SLC30A8: variants seen among roughly 807,000 people sequenced by gnomAD.
SLC30A8 encodes proton-coupled zinc antiporter SLC30A8.
SLC30A8 carries 27 observed loss-of-function variants against 36.9 expected under a neutral mutation model. The observed-to-expected ratio is 0.73, with a 90% confidence interval of 0.54 to 1.01. The LOEUF is 1.01. SLC30A8 is among the 50% of genes least tolerant of loss of function. SLC30A8 has a pLI of 0.00. For synonymous variants in SLC30A8, 164 were observed against 172.4 expected (o/e 0.95, Z 0.38); for missense variants, 439 against 452.0 (o/e 0.97, Z 0.26).
chr8:117,136,203 G>A (rs572435303), intron 1 of SLC30A8, among the ~76,000 whole-genome samples: 1 of 152,102 alleles, frequency 6.6e-6, no homozygotes, highest in African/African-American at 2.4e-5. Flanking sequence ...AGGAATTAAA[G>A]TAGGGTTAGG....
rs114095982 is a variant in SLC30A8, at chr8:117,042,470, A to T, written c.-226+3212A>T. Among the ~76,000 whole-genome samples, 1,368 of 152,258 alleles carry T rather than the reference A, an allele frequency of 9.0e-3. 13 individuals are homozygous for T. Among genetic ancestry groups the T allele is most frequent in the African/African-American group, 0.031 (1,286 of 41,526 alleles). The stretch of plus-strand genomic sequence containing the variant: ...GCCTAAATCAGACTGGATTTTGCAG[A>T]CTTTCATGTATCTGTGTATGTGAGG... On this transcript the variant is annotated intron_variant, in intron 2 of 10. Coordinates refer to the SLC30A8 transcript ENST00000427715.
intron 2 of SLC30A8, among the ~76,000 whole-genome samples, chr8:117,104,914 G>C (rs1340466121): frequency 6.6e-6 from 1 of 152,146 alleles, no homozygotes; most frequent in African/African-American, 2.4e-5. Context: ...GTAACTTCCT[G>C]ATGTTGTCAT....
At chr8:117,024,692 C>T (rs1367476673) in intron 1 of SLC30A8, among the ~76,000 whole-genome samples, 1 of 152,194 alleles carries the variant, frequency 6.6e-6, no homozygotes, top group Non-Finnish European at 1.5e-5. Flanking sequence ...CTCCTTTTGT[C>T]TGTAATGGTT....
chr8:117,138,100 CGTGTAAA>C (rs1293151024), intron 1 of SLC30A8, among the ~76,000 whole-genome samples: 2 of 142,952 alleles, frequency 1.4e-5, no homozygotes, highest in Non-Finnish European at 3.0e-5. Flanking sequence ...AAAAAAAAGT[CGTGTAAA>C]GTTGAACTAC....
chr8:117,092,121 T>C (rs1045147239), intron 2 of SLC30A8, among the ~76,000 whole-genome samples: 6 of 152,212 alleles, frequency 3.9e-5, no homozygotes, highest in Non-Finnish European at 8.8e-5. Context: ...TTGGTAGAAC[T>C]GTAACAAGGA....
intron 1 of SLC30A8, among the ~76,000 whole-genome samples, chr8:116,992,830 A>G (rs2047528812): frequency 1.3e-5 from 2 of 152,200 alleles, no homozygotes; most frequent in Non-Finnish European, 2.9e-5. Context: ...ATGGGGTAGC[A>G]ATGAAAAAGC....
chr8:116,958,841 A>ATTTTTTTTTTTTT lies in SLC30A8; in HGVS notation c.-266+7738_-266+7750dup, dbSNP rs758505118. On this transcript the variant is annotated intron_variant, in intron 1 of 10. Transcript: ENST00000427715. Reference sequence around the variant, plus strand: ...CCTATAGCCCACTGATGCTCTTTTCATTTTTTTTTTTTTTTTTTTTTTTTT... The same window carrying ATTTTTTTTTTTTT: ...CCTATAGCCCACTGATGCTCTTTTCATTTTTTTTTTTTTTTTTTTTTTTTTTTTTTTTTTTTTT... 6.7e-5 allele frequency among the ~76,000 whole-genome samples: 4 copies of ATTTTTTTTTTTTT among 60,010 alleles called. 1 individual carries two copies. The highest frequency in any genetic ancestry group is 2.1e-4 in the African/African-American group (3 of 14,396). The allele number at this position is 60,010 out of a possible 152,430, so 39.4% of individuals were successfully genotyped here.
intron 1 of SLC30A8, among the ~76,000 whole-genome samples, chr8:117,017,551 C>T (rs998044121): frequency 3.3e-5 from 5 of 152,164 alleles, no homozygotes; most frequent in Non-Finnish European, 5.9e-5. Flanking sequence ...GTCAAATTGA[C>T]GTGGAGCCAC....
intron 1 of SLC30A8, among the ~76,000 whole-genome samples, chr8:117,138,087 G>GAA (rs374937926): frequency 7.9e-6 from 1 of 126,194 alleles, no homozygotes. Flanking sequence ...AAAAGAAAAA[G>GAA]AAAAAAAAAA....
At chr8:117,151,303 T>C (rs1317842649) in intron 2 of SLC30A8, among the ~76,000 whole-genome samples, 1 of 152,180 alleles carries the variant, frequency 6.6e-6, no homozygotes, top group Non-Finnish European at 1.5e-5. Flanking sequence ...AGAGAGGCTG[T>C]TATTTGTTTA....
chr8:116,956,468 T>TG (rs1277885460), intron 1 of SLC30A8, among the ~76,000 whole-genome samples: 2 of 152,212 alleles, frequency 1.3e-5, no homozygotes, highest in African/African-American at 2.4e-5. Context: ...GAAATTTAGA[T>TG]GGGTCGTCTA....
intron 1 of SLC30A8, among the ~76,000 whole-genome samples, chr8:116,961,367 T>G (rs768753990): frequency 6.6e-6 from 1 of 152,068 alleles, no homozygotes; most frequent in African/African-American, 2.4e-5. Context: ...AGGCAGAGCT[T>G]GCAGTGAGCC....
At chr8:117,106,849 T>G (rs1344478218) in intron 2 of SLC30A8, among the ~76,000 whole-genome samples, 6 of 152,338 alleles carry the variant, frequency 3.9e-5, no homozygotes, top group African/African-American at 1.4e-4. Context: ...AGTTGGCTTA[T>G]GACACACCTA....
intron 1 of SLC30A8, among the ~76,000 whole-genome samples, chr8:116,975,509 G>A (rs1339499493): frequency 6.6e-6 from 1 of 152,148 alleles, no homozygotes; most frequent in Non-Finnish European, 1.5e-5. Context: ...CTAGAAGGCT[G>A]GAAGGGTCAT....
At position 117,173,874 on chromosome 8, in the gene SLC30A8, T is replaced by G. The variant is rs939610004; in HGVS notation, c.*1193T>G. On this transcript the variant is annotated 3_prime_UTR_variant, in exon 8 of 8. Transcript: ENST00000456015. ...TGAATTGCAATGATGTAGTGGGGTATAAAAGGAAAGCGATGGATATTGCCG... is the reference window on the plus strand; with the variant it reads ...TGAATTGCAATGATGTAGTGGGGTAGAAAAGGAAAGCGATGGATATTGCCG... The G allele has an allele frequency of 1.1e-4, 16 of 152,218 alleles. No individual in the cohort carries two copies. Among genetic ancestry groups the G allele is most frequent in the African/African-American group, 3.4e-4 (14 of 41,566 alleles). The allele number at this position is 152,218 out of a possible 1,614,324, so 9.4% of individuals were successfully genotyped here.
chr8:117,155,053 G>C (rs1229437393), intron 3 of SLC30A8, among the ~76,000 whole-genome samples: 1 of 152,116 alleles, frequency 6.6e-6, no homozygotes, highest in African/African-American at 2.4e-5. Flanking sequence ...TAGATACAGA[G>C]GTGAGTCCAA....
intron 1 of SLC30A8, among the ~76,000 whole-genome samples, chr8:116,987,591 T>C (rs73312249): frequency 0.054 from 8,200 of 152,060 alleles, 726 homozygotes; most frequent in African/African-American, 0.19. Flanking sequence ...TTAATTAGCT[T>C]CTGATCCAGG....
At chr8:117,136,973 A>ATG (rs1821394518) in intron 1 of SLC30A8, among the ~76,000 whole-genome samples, 1 of 152,036 alleles carries the variant, frequency 6.6e-6, no homozygotes, top group South Asian at 2.1e-4. Context: ...TCATTTTACC[A>ATG]TGTAGGAAAC....
At chr8:117,148,727 C>G (rs2130970952) in intron 2 of SLC30A8, among the ~76,000 whole-genome samples, 1 of 152,168 alleles carries the variant, frequency 6.6e-6, no homozygotes, top group South Asian at 2.1e-4. Flanking sequence ...TTATGGTGTT[C>G]ATCTTAATAC....
Sources: allele counts gnomAD v4.1 joint callset (sites outside exome capture counted in the v4.1 genomes callset), GRCh38; gene constraint gnomAD v4.1.1; transcripts MANE v1.5; gene names NCBI Gene and HGNC (gene_info 2026-07-23, HGNC 2026-07-21).